The following FAT2 variants were observed in gnomAD, a reference collection of about 807,000 sequenced individuals.
FAT2 encodes protocadherin Fat 2.
Under a neutral mutation model 295.3 loss-of-function variants are expected in FAT2, and 150 were observed. The observed-to-expected ratio is 0.51, with a 90% CI of 0.44 to 0.58. The LOEUF is 0.58. Among genes scored for constraint, FAT2 ranks in the 20% least tolerant of loss-of-function variants. The pLI, the probability that FAT2 is intolerant of heterozygous loss-of-function variation, is 0.00. For missense variants in FAT2, 4,868 were observed against 5,442.7 expected (o/e 0.89, Z 3.32); for synonymous variants, 2,026 against 2,150.3 (o/e 0.94, Z 1.60).
chr5:151,517,894 T>C (rs1753026488), intron 19 of FAT2, 129 bp from the exon 20 acceptor site: 2 of 1,160,242 alleles, frequency 1.7e-6, no homozygotes, highest in Non-Finnish European at 2.4e-6. Context: ...ATGAAGAAAC[T>C]AGGCTGGGTG....
In FAT2 at chr5:151,504,228, C is replaced by T. The variant is rs1237869714; in HGVS notation, c.*1337G>A. On this transcript the variant is annotated 3_prime_UTR_variant, in exon 24 of 24. Coordinates refer to ENST00000261800, the MANE Select transcript of FAT2 (RefSeq NM_001447.3). ...GGCTCTCGCCCACACATCTCCCTCT[C>T]GCATGAAGCAGCAGCCCTGTGGGCA... is the stretch of plus-strand genomic sequence containing the variant. The T allele has an allele frequency of 1.3e-5, 2 of 152,798 alleles. No homozygotes were observed. The highest frequency in any genetic ancestry group is 2.1e-4 in the South Asian group (1 of 4,836). 9.5% of individuals were successfully genotyped at this position (152,798 alleles called of 1,614,324 possible). A position where few individuals can be genotyped will look rare whatever the true frequency, so the allele number is the denominator to read the frequency against.
chr5:151,544,992 A>G lies in FAT2; in HGVS notation c.6135T>C (p.Asn2045=). The change falls in exon 10 of 24, where the codon AAT becomes AAC. Residue 2045 remains asparagine, a synonymous_variant. Transcript: ENST00000261800. ...THELAVEVRD[N]RTPQRVAQGL... is the part of the protein sequence containing the mutation. ...CCTGAGCCACCCGCTGAGGTGTCCG[A>G]TTGTCCCTCACTTCCACTGCCAACT... 6.2e-7 allele frequency: 1 copy of G among 1,614,112 alleles called. No homozygotes were observed. Among genetic ancestry groups the G allele is most frequent in the Non-Finnish European group, 8.5e-7 (1 of 1,180,024 alleles).
At chr5:151,533,117 T>C (rs976273100) in intron 13 of FAT2, among the ~76,000 whole-genome samples, 2 of 152,022 alleles carry the variant, frequency 1.3e-5, no homozygotes, top group Non-Finnish European at 1.5e-5. Context: ...ATCTGTGTGA[T>C]TGTAGAGGGC....
At position 151,543,785 on chromosome 5, in the gene FAT2, A is replaced by G; in HGVS notation, c.7342T>C (p.Ser2448Pro). The G allele has an allele frequency of 6.2e-7, 1 of 1,614,216 alleles. No homozygotes were observed. The change falls in exon 10 of 24, where the codon TCT becomes CCT. Residue 2448 changes from serine to proline, a missense_variant. Ser to Pro is a moderately conservative substitution (Grantham distance 74). Coordinates refer to ENST00000261800, the MANE Select transcript of FAT2 (RefSeq NM_001447.3). ...MFNLCKKHLD[S>P]SYNLRVGASD... The stretch of plus-strand genomic sequence containing the variant: ...GCACCTACCCTCAAATTGTAAGAAG[A>G]GTCCAGGTGCTTTTTGCAAAGGTTG...
At position 151,543,062 on chromosome 5, in the gene FAT2, G is replaced by T. The variant is rs1226743893; in HGVS notation, c.8065C>A (p.Pro2689Thr). Residue 2689 changes from proline (P) to threonine (T), a missense_variant, in exon 10 of 24, where the codon CCG becomes ACG. Pro to Thr is a conservative substitution (Grantham distance 38). This residue lies in a region of FAT2 where 3,297 missense variants were observed against 3,669.4 expected (regional missense o/e 0.90). Transcript: ENST00000261800. Reference sequence around the variant, plus strand: ...GTATACAAAGGTTCAGAAAATTTCGGTAAGGATACTTTTTTAGGAACCACC... The same window carrying T: ...GTATACAAAGGTTCAGAAAATTTCGTTAAGGATACTTTTTTAGGAACCACC... ...LQVVPKKVSLPKFSEPLYTFS... is the reference protein window; with the variant it reads ...LQVVPKKVSLTKFSEPLYTFS... The T allele has an allele frequency of 6.2e-7, 1 of 1,614,150 alleles. No homozygotes were observed. The highest frequency in any genetic ancestry group is 2.2e-5 in the East Asian group (1 of 44,882).
At position 151,544,058 on chromosome 5, in the gene FAT2, G is replaced by A. The variant is rs2127608929; in HGVS notation, c.7069C>T (p.Pro2357Ser). The A allele has an allele frequency of 1.2e-6, 2 of 1,614,156 alleles. No individual in the cohort carries two copies. Among genetic ancestry groups the A allele is most frequent in the South Asian group, 2.2e-5 (2 of 91,064 alleles). ...ACAAGGGTTTCACCAGTGAGTGGGGGATCTCCTTTATCCATGGCCCTGACT... is the reference window on the plus strand; with the variant it reads ...ACAAGGGTTTCACCAGTGAGTGGGGAATCTCCTTTATCCATGGCCCTGACT... Reference protein sequence around the residue: ...VKVRAMDKGDPPLTGETLVVV... With the variant: ...VKVRAMDKGDSPLTGETLVVV... The change falls in exon 10 of 24, where the codon CCC becomes TCC. Residue 2357 changes from proline (P) to serine (S), a missense_variant. Pro to Ser is a moderately conservative substitution (Grantham distance 74). Coordinates refer to ENST00000261800, the MANE Select transcript of FAT2 (RefSeq NM_001447.3).
intron 12 of FAT2, among the ~76,000 whole-genome samples, chr5:151,536,626 G>C (rs1755324385): frequency 6.6e-6 from 1 of 152,178 alleles, no homozygotes; most frequent in South Asian, 2.1e-4. Flanking sequence ...TACCCTGCAG[G>C]AATCTCTGCT....
At chr5:151,562,291 CCGA>C (rs1758049538) in intron 3 of FAT2, among the ~76,000 whole-genome samples, 1 of 152,168 alleles carries the variant, frequency 6.6e-6, no homozygotes, top group Admixed American at 6.5e-5. Context: ...CCATCCTTCT[CCGA>C]CAAGAGTAAA....
At chr5:151,586,642 C>T (rs1458581167) in intron 1 of FAT2, among the ~76,000 whole-genome samples, 4 of 152,184 alleles carry the variant, frequency 2.6e-5, no homozygotes, top group Non-Finnish European at 4.4e-5. Flanking sequence ...AGCCAAAGCA[C>T]TCTAACTTAA....
chr5:151,524,937 C>T (rs1208487034), intron 18 of FAT2, among the ~76,000 whole-genome samples: 1 of 152,192 alleles, frequency 6.6e-6, no homozygotes, highest in Non-Finnish European at 1.5e-5. Flanking sequence ...ACTTTACTTC[C>T]TTATCATCAT....
At chr5:151,550,017 CTG>C (rs761476429) in intron 8 of FAT2, among the ~76,000 whole-genome samples, 25 of 152,090 alleles carry the variant, frequency 1.6e-4, no homozygotes, top group Middle Eastern at 3.2e-3. Flanking sequence ...TCATAAATAA[CTG>C]TATGACAGTG....
upstream of FAT2, among the ~76,000 whole-genome samples, chr5:151,592,551 G>C (rs1759454581): frequency 6.6e-6 from 1 of 152,152 alleles, no homozygotes; most frequent in Non-Finnish European, 1.5e-5. Context: ...TGAGCTCTTA[G>C]CAATTCTAGC....
intron 10 of FAT2, 111 bp from the exon 11 acceptor site, chr5:151,540,874 A>T: frequency 9.9e-7 from 1 of 1,006,290 alleles, no homozygotes; most frequent in South Asian, 1.7e-5. Context: ...GGGAAAGCAA[A>T]CATTTCCTTC....
At chr5:151,565,271 T>A (rs1758194971) in intron 2 of FAT2, among the ~76,000 whole-genome samples, 1 of 151,936 alleles carries the variant, frequency 6.6e-6, no homozygotes, top group Non-Finnish European at 1.5e-5. Flanking sequence ...ATTTTCATAA[T>A]AATAAAATGA....
chr5:151,559,775 C>T (rs369172945), intron 3 of FAT2, among the ~76,000 whole-genome samples: 11 of 152,062 alleles, frequency 7.2e-5, no homozygotes, highest in East Asian at 3.9e-4. Flanking sequence ...ATCAATGCCC[C>T]GAGGTATCCT....
chr5:151,554,772 T>G (rs539879783), intron 4 of FAT2, 99 bp from the exon 5 acceptor site: 2 of 948,722 alleles, frequency 2.1e-6, no homozygotes, highest in South Asian at 3.2e-5. Flanking sequence ...TTCTTTGGTA[T>G]GAGCTTGTAC....
rs367860988 is a variant in FAT2, at chr5:151,566,465, C to A, written c.2467G>T (p.Gly823Cys). Residue 823 changes from glycine (G) to cysteine (C), a missense_variant, in exon 2 of 24, where the codon GGT becomes TGT. By Grantham distance (159) the Gly-to-Cys change is radical. Coordinates refer to ENST00000261800, the MANE Select transcript of FAT2 (RefSeq NM_001447.3). ...WNDNAPRFPPGGYQLTISEDT... is the reference protein window; with the variant it reads ...WNDNAPRFPPCGYQLTISEDT... ...TCCGAGATGGTTAACTGGTACCCACCGGGAGGAAATCTGGGTGCGTTGTCA... is the reference window on the plus strand; with the variant it reads ...TCCGAGATGGTTAACTGGTACCCACAGGGAGGAAATCTGGGTGCGTTGTCA... The A allele has an allele frequency of 6.2e-7, 1 of 1,613,352 alleles. No homozygotes were observed. Among genetic ancestry groups the A allele is most frequent in the East Asian group, 2.2e-5 (1 of 44,872 alleles).
intron 18 of FAT2, among the ~76,000 whole-genome samples, chr5:151,523,948 C>T (rs973683684): frequency 1.3e-5 from 2 of 152,162 alleles, no homozygotes; most frequent in Admixed American, 6.5e-5. Context: ...TGAATCGTCT[C>T]TGTTCTTTCT....
chr5:151,552,870 A>G (rs1757342905), intron 6 of FAT2, among the ~76,000 whole-genome samples: 1 of 152,188 alleles, frequency 6.6e-6, no homozygotes, highest in Non-Finnish European at 1.5e-5. Context: ...AACACAAAGC[A>G]TTTCTGCTCT....
Sources: gnomAD v4.1 joint callset for allele counts (sites outside exome capture counted in the v4.1 genomes callset) on GRCh38, gnomAD v4.1.1 for gene constraint, gnomAD v4.1.1 regional missense constraint, MANE v1.5 for transcripts, NCBI Gene and HGNC (gene_info 2026-07-23, HGNC 2026-07-21) for gene names.